IL22RA1: variants seen among roughly 807,000 people sequenced by gnomAD.
IL22RA1 encodes interleukin 22 receptor subunit alpha 1, also known as interleukin-22 receptor subunit alpha-1.
Under a neutral mutation model 32.8 loss-of-function variants are expected in IL22RA1, and 25 were observed. That is an observed-to-expected ratio of 0.76 (90% CI 0.55 to 1.06). IL22RA1 has a LOEUF of 1.06. IL22RA1 is among the 50% of genes least tolerant of loss of function. The probability of loss-of-function intolerance (pLI) is 0.00; values close to 1 mark genes in which losing one functional copy is unlikely to be tolerated. For missense variants in IL22RA1, 709 were observed against 727.4 expected (o/e 0.97, Z 0.29); for synonymous variants, 305 against 305.0 (o/e 1.00, Z 0.00).
Position 24,140,330 on chromosome 1 carries a change from C to G in IL22RA1, c.44-1616G>C, listed in dbSNP as rs146375409. Among the ~76,000 whole-genome samples, 420 of 152,304 alleles carry G rather than the reference C, an allele frequency of 2.8e-3. 3 individuals are homozygous for G. Among genetic ancestry groups the G allele is most frequent in the Admixed American group, 0.018 (271 of 15,300 alleles). On this transcript the variant is annotated intron_variant, in intron 1 of 6. Transcript: ENST00000270800. ...GTCTGTGAATGTGTTTAGTGTCTAA[C>G]AGGCCCCTATGTACATGTGTTGAGT...
intron 5 of IL22RA1, among the ~76,000 whole-genome samples, chr1:24,127,644 A>G (rs1644174890): frequency 6.6e-6 from 1 of 152,164 alleles, no homozygotes; most frequent in South Asian, 2.1e-4. Context: ...TCTGAACCTC[A>G]GGTTCTTCAT....
At position 24,143,093 on chromosome 1, in the gene IL22RA1, A is replaced by G. The variant is rs1315614102; in HGVS notation, c.-11T>C. ...CAGCAGCGTCCTCATCGGGGCTGGC[A>G]CAGAGCCCTCCCTTGGCCTCTACTC... is the stretch of plus-strand genomic sequence containing the variant. On this transcript the variant is annotated 5_prime_UTR_variant, in exon 1 of 7. Coordinates refer to ENST00000270800, the MANE Select transcript of IL22RA1 (RefSeq NM_021258.4). 3 of 1,611,632 alleles carry G rather than the reference A, an allele frequency of 1.9e-6. No homozygotes were observed. Among genetic ancestry groups the G allele is most frequent in the Non-Finnish European group, 2.5e-6 (3 of 1,179,032 alleles).
At chr1:24,128,796 C>T (rs1255926006) in intron 4 of IL22RA1, among the ~76,000 whole-genome samples, 1 of 152,118 alleles carries the variant, frequency 6.6e-6, no homozygotes, top group African/African-American at 2.4e-5. Flanking sequence ...CTGGGTTTGC[C>T]CCTGTTCACT....
intron 5 of IL22RA1, among the ~76,000 whole-genome samples, chr1:24,124,049 A>G (rs901746068): frequency 6.6e-6 from 1 of 152,170 alleles, no homozygotes; most frequent in Non-Finnish European, 1.5e-5. Flanking sequence ...GGTACTCACA[A>G]TGTGATCTAG....
At chr1:24,132,015 C>A (rs1644208434) in intron 4 of IL22RA1, among the ~76,000 whole-genome samples, 1 of 152,144 alleles carries the variant, frequency 6.6e-6, no homozygotes, top group African/African-American at 2.4e-5. Flanking sequence ...AGGACTCTCC[C>A]TGCTTAGTAA....
intron 2 of IL22RA1, among the ~76,000 whole-genome samples, chr1:24,137,772 C>T (rs1168257390): frequency 1.3e-5 from 2 of 152,156 alleles, no homozygotes; most frequent in African/African-American, 4.8e-5. Context: ...CTGCCTCAGC[C>T]TCTGAAAGTG....
chr1:24,140,391 C>T (rs1472495789), intron 1 of IL22RA1, among the ~76,000 whole-genome samples: 2 of 152,116 alleles, frequency 1.3e-5, no homozygotes, highest in East Asian at 1.9e-4. Context: ...AAGACATTCG[C>T]TCTGTAGGGA....
At position 24,121,636 on chromosome 1, in the gene IL22RA1, A is replaced by G. The variant is rs761015129; in HGVS notation, c.894T>C (p.Pro298=). The G allele has an allele frequency of 1.8e-5, 29 of 1,611,890 alleles. No individual in the cohort carries two copies. The East Asian group carries it at 6.0e-4, about 33-fold the overall frequency. ...ACACCCTGATCTGGGAGTACTGGACAGGCTGGGCCAGACTGCTGGGGCCGC... is the reference window on the plus strand; with the variant it reads ...ACACCCTGATCTGGGAGTACTGGACGGGCTGGGCCAGACTGCTGGGGCCGC... The part of the protein sequence containing the change: ...DLSGPSSLAQ[P]VQYSQIRVSG... Residue 298 remains proline, a synonymous_variant, in exon 7 of 7, where the codon CCT becomes CCC. Transcript: ENST00000270800.
chr1:24,136,529 G>A lies in IL22RA1; in HGVS notation c.355+602C>T, dbSNP rs771057523. On this transcript the variant is annotated intron_variant, in intron 3 of 6. Coordinates refer to ENST00000270800, the MANE Select transcript of IL22RA1 (RefSeq NM_021258.4). ...TAGGAGGTGATGTTGAAGCTGAGCC[G>A]TGAGGACTATAAAAGAACCAGTCAT... 8.2e-4 allele frequency among the ~76,000 whole-genome samples: 125 copies of A among 152,130 alleles called. 2 individuals carry two copies. The highest frequency in any genetic ancestry group is 1.8e-4 in the Non-Finnish European group (12 of 68,032).
At chr1:24,137,337 C>A (rs200289901) in intron 2 of IL22RA1, 28 bp from the exon 3 acceptor site, 1 of 1,605,906 alleles carries the variant, frequency 6.2e-7, no homozygotes, top group Non-Finnish European at 8.5e-7. Context: ...GCCAAGTCAC[C>A]GTGGTGATGA....
rs1644260173 is a variant in IL22RA1 at position 24,138,696 on chromosome 1, G to A, written c.62C>T (p.Pro21Leu). The change falls in exon 2 of 7, where the codon CCC (proline) becomes CTC (leucine). Residue 21 changes from proline to leucine, a missense_variant. Coordinates refer to ENST00000270800, the MANE Select transcript of IL22RA1 (RefSeq NM_021258.4). ...TTTCACGTGCTGGAGCAGATCCGAG[G>A]GGTCCTCAGGGGCGTGAGCTGCAGG... ...GSLAAHAPED[P>L]SDLLQHVKFQ... The A allele has an allele frequency of 2.5e-6, 4 of 1,614,158 alleles. No homozygotes were observed. Among genetic ancestry groups the A allele is most frequent in the Non-Finnish European group, 3.4e-6 (4 of 1,180,012 alleles).
chr1:24,134,741 A>G, intron 3 of IL22RA1: 2 of 628,830 alleles, frequency 3.2e-6, no homozygotes, highest in Non-Finnish European at 4.0e-6. Context: ...TCTATTGAGT[A>G]TGACAGCTTT....
chr1:24,133,282 T>C (rs1230589711), intron 4 of IL22RA1, among the ~76,000 whole-genome samples: 4 of 152,072 alleles, frequency 2.6e-5, no homozygotes, highest in Non-Finnish European at 4.4e-5. Context: ...CTAAAAGTTT[T>C]CTGGAAGTCT....
intron 5 of IL22RA1, among the ~76,000 whole-genome samples, chr1:24,124,563 C>G (rs1002145409): frequency 6.6e-6 from 1 of 152,098 alleles, no homozygotes; most frequent in Admixed American, 6.5e-5. Context: ...GAAGGTGACT[C>G]AGAGAGTCAA....
In IL22RA1 at chr1:24,128,197, A is replaced by G; in HGVS notation, c.614T>C (p.Val205Ala). 1.2e-6 allele frequency: 2 copies of G among 1,604,812 alleles called. No homozygotes were observed. The highest frequency in any genetic ancestry group is 1.7e-6 in the Non-Finnish European group (2 of 1,175,522). ...TEFLGTIMICVPTWAKESAPY... is the reference protein window; with the variant it reads ...TEFLGTIMICAPTWAKESAPY... Reference sequence around the variant, plus strand: ...GGCACTCTCCTTGGCCCAGGTGGGAACGCAAATCATGATGGTGCCAAGGAA... The same window carrying G: ...GGCACTCTCCTTGGCCCAGGTGGGAGCGCAAATCATGATGGTGCCAAGGAA... Residue 205 changes from valine to alanine, a missense_variant, in exon 5 of 7, where the codon GTT becomes GCT. Transcript: ENST00000270800.
At chr1:24,130,324 A>G (rs1263924537) in intron 4 of IL22RA1, among the ~76,000 whole-genome samples, 12 of 152,196 alleles carry the variant, frequency 7.9e-5, no homozygotes, top group Admixed American at 7.9e-4. Context: ...CAGCTGGAAA[A>G]TGAGGGGAGA....
chr1:24,143,114 T>C lies in IL22RA1; in HGVS notation c.-32A>G. ...TGGCACAGAGCCCTCCCTTGGCCTC[T>C]ACTCTGCCGTGCACAGAGAGAGGGC... On this transcript the variant is annotated 5_prime_UTR_variant, in exon 1 of 7. Transcript: ENST00000270800. 1.3e-6 allele frequency: 2 copies of C among 1,577,084 alleles called. No homozygotes were observed. Among genetic ancestry groups the C allele is most frequent in the Non-Finnish European group, 1.7e-6 (2 of 1,158,178 alleles).
At chr1:24,137,011 C>G in intron 3 of IL22RA1, 120 bp downstream of exon 3, 1 of 914,162 alleles carries the variant, frequency 1.1e-6, no homozygotes, top group Non-Finnish European at 1.6e-6. Context: ...CTGCCCCTCC[C>G]CTTGCAGAGA....
chr1:24,137,182 C>T lies in IL22RA1; in HGVS notation c.304G>A (p.Gly102Arg), dbSNP rs1644248185. The T allele has an allele frequency of 6.2e-7, 1 of 1,614,102 alleles. No individual in the cohort carries two copies. ...YYARVTAVSA[G>R]GRSATKMTDR... ...GTCATCTTGGTGGCTGACCGGCCTC[C>T]CGCACTGACAGCGGTGACCCTGGCA... The change falls in exon 3 of 7, where the codon GGA becomes AGA. Residue 102 changes from glycine to arginine, a missense_variant. Gly to Arg is a moderately radical substitution (Grantham distance 125, BLOSUM62 -2). Coordinates refer to ENST00000270800, the MANE Select transcript of IL22RA1 (RefSeq NM_021258.4).
Sources: allele counts gnomAD v4.1 joint callset (sites outside exome capture counted in the v4.1 genomes callset), GRCh38; gene constraint gnomAD v4.1.1; transcripts MANE v1.5; gene names NCBI Gene and HGNC (gene_info 2026-07-23, HGNC 2026-07-21).